The following UST variants were observed in gnomAD, a reference collection of about 807,000 sequenced individuals.
UST encodes chondroitin sulfate 2-O-sulfotransferase.
In UST, 21 loss-of-function variants were observed where a neutral mutation model predicts 45.6. The ratio of observed to expected loss-of-function variants is 0.46; its 90% CI spans 0.33 to 0.66. The LOEUF is 0.66. UST is among the 30% of genes least tolerant of loss of function. The pLI is 0.02. For missense variants in UST, 463 were observed against 512.4 expected (o/e 0.90, Z 0.93); for synonymous variants, 215 against 200.6 (o/e 1.07, Z -0.61).
chr6:149,072,499 C>T (rs1776833564), intron 7 of UST, among the ~76,000 whole-genome samples: 1 of 151,932 alleles, frequency 6.6e-6, no homozygotes, highest in Non-Finnish European at 1.5e-5. Flanking sequence ...ACTAAAAATA[C>T]AAAATTAGCC....
intron 1 of UST, among the ~76,000 whole-genome samples, chr6:148,760,746 C>A (rs73791004): frequency 0.12 from 18,439 of 150,622 alleles, 1,239 homozygotes; most frequent in African/African-American, 0.16. Context: ...CAAAAAAAAA[C>A]CACAAACATC....
chr6:148,978,016 G>A (rs1460253519), intron 5 of UST, among the ~76,000 whole-genome samples: 1 of 152,046 alleles, frequency 6.6e-6, no homozygotes, highest in East Asian at 1.9e-4. Flanking sequence ...TTGATTTCTA[G>A]ATATTTGGTT....
intron 2 of UST, among the ~76,000 whole-genome samples, chr6:148,920,310 T>G (rs1779675353): frequency 6.6e-6 from 1 of 152,190 alleles, no homozygotes; most frequent in Non-Finnish European, 1.5e-5. Context: ...GTGAGCCTCT[T>G]GGTCCTAATT....
intron 7 of UST, among the ~76,000 whole-genome samples, chr6:149,066,880 G>A (rs1352959711): frequency 1.3e-5 from 2 of 152,110 alleles, no homozygotes; most frequent in Non-Finnish European, 2.9e-5. Context: ...TGAGGCTGCA[G>A]TGAGCCACCA....
At chr6:148,780,089 A>G (rs986356644) in intron 1 of UST, among the ~76,000 whole-genome samples, 11 of 103,652 alleles carry the variant, frequency 1.1e-4, no homozygotes, top group African/African-American at 3.3e-4. Context: ...GTATATATAT[A>G]CACACACACA....
chr6:148,851,182 G>T lies in UST; in HGVS notation c.248-35804G>T, dbSNP rs148277628. 2.4e-3 allele frequency among the ~76,000 whole-genome samples: 368 copies of T among 152,284 alleles called. 1 individual carries two copies. Among genetic ancestry groups the T allele is most frequent in the African/African-American group, 8.4e-3 (349 of 41,554 alleles). ...ACATTTTGAGCAACAAATGGCTATT[G>T]TCATGGACTTTTAGCATCCCTCATC... On this transcript the variant is annotated intron_variant, in intron 1 of 7. Coordinates refer to ENST00000367463, the MANE Select transcript of UST (RefSeq NM_005715.3).
intron 7 of UST, among the ~76,000 whole-genome samples, chr6:149,057,667 T>C (rs932795187): frequency 2.6e-5 from 4 of 152,158 alleles, no homozygotes. Flanking sequence ...CTTTAAGGCA[T>C]CTATAAAATG....
intron 7 of UST, among the ~76,000 whole-genome samples, chr6:149,039,909 T>C (rs1303032003): frequency 6.6e-6 from 1 of 152,206 alleles, no homozygotes; most frequent in Non-Finnish European, 1.5e-5. Flanking sequence ...TGACTGGCTC[T>C]CCTTCTCCCA....
intron 7 of UST, among the ~76,000 whole-genome samples, chr6:149,025,420 A>C (rs559465312): frequency 3.9e-5 from 6 of 152,316 alleles, no homozygotes; most frequent in Non-Finnish European, 8.8e-5. Flanking sequence ...TAAAAATTAG[A>C]GTTTTAGCAA....
At chr6:148,764,026 G>C (rs1398513580) in intron 1 of UST, among the ~76,000 whole-genome samples, 2 of 152,098 alleles carry the variant, frequency 1.3e-5, no homozygotes. Context: ...TTCTAATTCT[G>C]TGAAAATGAC....
chr6:148,859,153 A>C (rs1472679910), intron 1 of UST, among the ~76,000 whole-genome samples: 1 of 152,144 alleles, frequency 6.6e-6, no homozygotes, highest in African/African-American at 2.4e-5. Context: ...CATCCTCTTC[A>C]GCACCTGTTG....
chr6:149,044,665 C>G (rs142388252), intron 7 of UST, among the ~76,000 whole-genome samples: 17 of 152,192 alleles, frequency 1.1e-4, no homozygotes, highest in African/African-American at 4.1e-4. Flanking sequence ...GAAATGGCGT[C>G]TGCTGCATGC....
intron 3 of UST, among the ~76,000 whole-genome samples, chr6:148,944,967 A>G (rs556280039): frequency 1.4e-4 from 21 of 152,254 alleles, no homozygotes; most frequent in Non-Finnish European, 2.8e-4. Flanking sequence ...AGGTGACACC[A>G]TCTTTCTGAG....
At chr6:148,914,345 C>T (rs997516120) in intron 2 of UST, among the ~76,000 whole-genome samples, 1 of 148,132 alleles carries the variant, frequency 6.8e-6, no homozygotes, top group Non-Finnish European at 1.5e-5. Context: ...TGGTCCCCAA[C>T]CTTTTTGGCA....
At chr6:148,941,256 TG>T in intron 2 of UST, 22 bp from the exon 3 acceptor site, 1 of 1,612,794 alleles carries the variant, frequency 6.2e-7, no homozygotes, top group Non-Finnish European at 8.5e-7. Context: ...GTTTCATGTT[TG>T]TTCTCTTGGT....
intron 5 of UST, among the ~76,000 whole-genome samples, chr6:149,006,078 C>T (rs118091323): frequency 1.3e-5 from 2 of 152,316 alleles, no homozygotes; most frequent in Non-Finnish European, 2.9e-5. Context: ...TCATCCTATA[C>T]CATATTTTAT....
intron 5 of UST, among the ~76,000 whole-genome samples, chr6:149,017,793 C>CAT (rs772511492): frequency 0.017 from 949 of 54,364 alleles, 12 homozygotes; most frequent in African/African-American, 0.063. Flanking sequence ...AATGAATATC[C>CAT]ATATATACAC....
intron 1 of UST, among the ~76,000 whole-genome samples, chr6:148,807,709 A>G (rs1777177170): frequency 6.6e-6 from 1 of 152,162 alleles, no homozygotes; most frequent in Non-Finnish European, 1.5e-5. Flanking sequence ...AGAAGCAAGA[A>G]GGAAAGGCTG....
chr6:148,834,545 A>AG (rs762300125), intron 1 of UST, among the ~76,000 whole-genome samples: 2 of 152,158 alleles, frequency 1.3e-5, no homozygotes, highest in Non-Finnish European at 2.9e-5. Flanking sequence ...GACCAGCCTG[A>AG]GCAATATGAC....
Sources: allele counts gnomAD v4.1 joint callset (sites outside exome capture counted in the v4.1 genomes callset), GRCh38; gene constraint gnomAD v4.1.1; transcripts MANE v1.5; gene names NCBI Gene and HGNC (gene_info 2026-07-23, HGNC 2026-07-21).